Variants in NKAIN3 observed in about 807,000 individuals in gnomAD.
NKAIN3 encodes the protein sodium/potassium-transporting ATPase subunit beta-1-interacting protein 3.
A neutral mutation model predicts 30.2 loss-of-function variants in NKAIN3; 25 were observed. The observed-to-expected ratio is 0.83, with a 90% CI of 0.60 to 1.16. The LOEUF is 1.16. NKAIN3 is among the 50% of genes most tolerant of loss of function. The pLI, the probability that NKAIN3 is intolerant of heterozygous loss-of-function variation, is 0.00. For missense variants in NKAIN3, 225 were observed against 254.1 expected (o/e 0.89, Z 0.78); for synonymous variants, 91 against 89.6 (o/e 1.02, Z -0.09).
chr8:62,251,081 A>G (rs1167633968), intron 1 of NKAIN3, among the ~76,000 whole-genome samples: 2 of 152,236 alleles, frequency 1.3e-5, no homozygotes, highest in African/African-American at 2.4e-5. Flanking sequence ...TTTTGATAAT[A>G]CATAACATTT....
At chr8:62,285,949 A>G (rs1813366989) in intron 1 of NKAIN3, among the ~76,000 whole-genome samples, 2 of 152,298 alleles carry the variant, frequency 1.3e-5, no homozygotes, top group African/African-American at 4.8e-5. Context: ...TTTATGTATG[A>G]TGCACCTTCT....
intron 5 of NKAIN3, among the ~76,000 whole-genome samples, chr8:62,998,628 C>T (rs543491872): frequency 1.3e-5 from 2 of 152,240 alleles, no homozygotes; most frequent in South Asian, 4.1e-4. Context: ...CTCACCAGTC[C>T]TGTTGCTGGT....
intron 1 of NKAIN3, among the ~76,000 whole-genome samples, chr8:62,540,208 T>C (rs549735748): frequency 1.3e-5 from 2 of 152,304 alleles, no homozygotes; most frequent in South Asian, 4.1e-4. Context: ...GTCATTTACC[T>C]CCAAATCACT....
intron 1 of NKAIN3, among the ~76,000 whole-genome samples, chr8:62,279,925 C>A (rs571327063): frequency 6.6e-6 from 1 of 152,244 alleles, no homozygotes; most frequent in Non-Finnish European, 1.5e-5. Flanking sequence ...TCATTGGTAG[C>A]TTGATGGGGA....
At chr8:62,565,378 GT>G (rs2129995194) in intron 1 of NKAIN3, among the ~76,000 whole-genome samples, 1 of 152,056 alleles carries the variant, frequency 6.6e-6, no homozygotes, top group South Asian at 2.1e-4. Context: ...GTGTGTGTGT[GT>G]GTGTGACAGA....
chr8:62,695,392 C>T (rs1228491047), intron 3 of NKAIN3, among the ~76,000 whole-genome samples: 1 of 152,098 alleles, frequency 6.6e-6, no homozygotes, highest in East Asian at 1.9e-4. Context: ...GAGAAAGCCA[C>T]GTGCATGGGA....
chr8:62,252,009 G>T (rs1812119603), intron 1 of NKAIN3, among the ~76,000 whole-genome samples: 1 of 152,020 alleles, frequency 6.6e-6, no homozygotes, highest in Non-Finnish European at 1.5e-5. Flanking sequence ...TTAACAACTG[G>T]CTCACAAAAT....
In NKAIN3 at chr8:62,579,213, A is replaced by G. The variant is rs1810214659; in HGVS notation, c.55-326A>G. ...CATAATTAAACATAATTTTTAATATAAAAATAACAATGATAAACTTAAAAC... is the reference window on the plus strand; with the variant it reads ...CATAATTAAACATAATTTTTAATATGAAAATAACAATGATAAACTTAAAAC... On this transcript the variant is annotated intron_variant, in intron 1 of 6. Coordinates refer to ENST00000623646, the MANE Select transcript of NKAIN3 (RefSeq NM_001304533.3). Among the ~76,000 whole-genome samples, 4 of 152,032 alleles carry G rather than the reference A, an allele frequency of 2.6e-5. No individual in the cohort carries two copies. In the South Asian group the frequency reaches 8.3e-4, roughly 31 times the overall value.
Position 62,974,397 on chromosome 8 carries a change from C to G in NKAIN3, c.*8990C>G, listed in dbSNP as rs1298723216. Among the ~76,000 whole-genome samples the G allele has an allele frequency of 6.6e-6, 1 of 152,036 alleles. No individual in the cohort carries two copies. The highest frequency in any genetic ancestry group is 2.1e-4 in the South Asian group (1 of 4,828). ...TTCACATCCCTTGTAAGTTGCATTC[C>G]TAGGTATTTTATTCTCTTTGTAGCA... On this transcript the variant is annotated 3_prime_UTR_variant, in exon 7 of 7. Transcript: ENST00000623646.
intron 4 of NKAIN3, among the ~76,000 whole-genome samples, chr8:62,838,045 A>G (rs1250868182): frequency 1.3e-5 from 2 of 152,006 alleles, no homozygotes; most frequent in Non-Finnish European, 2.9e-5. Flanking sequence ...AACAAAATGT[A>G]TAGAGAGGAA....
At chr8:62,751,218 T>C (rs1270756274) in intron 4 of NKAIN3, among the ~76,000 whole-genome samples, 1 of 152,012 alleles carries the variant, frequency 6.6e-6, no homozygotes, top group Non-Finnish European at 1.5e-5. Flanking sequence ...CCAAGTCCCT[T>C]CTCCCTCCTA....
rs142812344 is a variant in NKAIN3, at chr8:62,889,166, C to T, written c.472-29287C>T. 6.0e-3 allele frequency among the ~76,000 whole-genome samples: 917 copies of T among 152,096 alleles called. 10 individuals are homozygous for T. The highest frequency in any genetic ancestry group is 0.02 in the African/African-American group (816 of 41,486). On this transcript the variant is annotated intron_variant, in intron 4 of 6. Coordinates refer to ENST00000623646, the MANE Select transcript of NKAIN3 (RefSeq NM_001304533.3). ...GGTGGATTACCTGAGATCAGGAGTTCGAGACCGCCCTGGCCAACATGGTGA... is the reference window on the plus strand; with the variant it reads ...GGTGGATTACCTGAGATCAGGAGTTTGAGACCGCCCTGGCCAACATGGTGA...
chr8:62,675,001 A>G (rs1813427974), intron 3 of NKAIN3, among the ~76,000 whole-genome samples: 1 of 152,194 alleles, frequency 6.6e-6, no homozygotes, highest in Admixed American at 6.5e-5. Flanking sequence ...GCGTCTGCAC[A>G]GGCTTCCTTC....
intron 4 of NKAIN3, among the ~76,000 whole-genome samples, chr8:62,762,054 G>A (rs183318588): frequency 6.6e-6 from 1 of 152,282 alleles, no homozygotes; most frequent in African/African-American, 2.4e-5. Flanking sequence ...GGTAGCTCAC[G>A]CCTGTAATCC....
At chr8:62,809,875 T>C (rs971531706) in intron 4 of NKAIN3, among the ~76,000 whole-genome samples, 4 of 152,212 alleles carry the variant, frequency 2.6e-5, no homozygotes, top group African/African-American at 9.6e-5. Flanking sequence ...CTGAATCCAG[T>C]AGAGTTGCCT....
intron 1 of NKAIN3, among the ~76,000 whole-genome samples, chr8:62,543,611 C>A (rs1808912019): frequency 6.6e-6 from 1 of 152,150 alleles, no homozygotes. Flanking sequence ...TGTAATAGTT[C>A]ATGGGTACCG....
At chr8:62,947,874 C>T (rs1200972899) in intron 5 of NKAIN3, among the ~76,000 whole-genome samples, 1 of 152,194 alleles carries the variant, frequency 6.6e-6, no homozygotes, top group Non-Finnish European at 1.5e-5. Flanking sequence ...TGCAGCCTCC[C>T]GTGCCCCAGC....
rs534217360 is a variant in NKAIN3, at chr8:62,460,240, C to T, written c.55-119299C>T. On this transcript the variant is annotated intron_variant, in intron 1 of 6. Coordinates refer to ENST00000623646, the MANE Select transcript of NKAIN3 (RefSeq NM_001304533.3). ...CAGCCTGGCTAACATGGCGAAACCCCGTCTCTACTAAAAATACAAAAATTA... is the reference window on the plus strand; with the variant it reads ...CAGCCTGGCTAACATGGCGAAACCCTGTCTCTACTAAAAATACAAAAATTA... Among the ~76,000 whole-genome samples, 5 of 151,838 alleles carry T rather than the reference C, an allele frequency of 3.3e-5. No individual in the cohort carries two copies. The South Asian group carries it at 8.4e-4, about 25-fold the overall frequency.
intron 4 of NKAIN3, among the ~76,000 whole-genome samples, chr8:62,793,198 GA>G (rs879403679): frequency 1.3e-4 from 19 of 146,270 alleles, no homozygotes; most frequent in East Asian, 6.0e-4. Context: ...TTTACCAAGG[GA>G]AAAAAAAAAG....
Sources: allele counts gnomAD v4.1 joint callset (sites outside exome capture counted in the v4.1 genomes callset), GRCh38; gene constraint gnomAD v4.1.1; transcripts MANE v1.5; gene names NCBI Gene and HGNC (gene_info 2026-07-23, HGNC 2026-07-21).